Variants in STXBP4 observed in about 807,000 individuals in gnomAD.
The protein encoded by STXBP4 is syntaxin-binding protein 4.
Under a neutral mutation model 76.1 loss-of-function variants are expected in STXBP4, and 55 were observed. The ratio of observed to expected loss-of-function variants is 0.72; its 90% CI spans 0.58 to 0.91. The LOEUF is 0.91. Ranked by LOEUF, STXBP4 falls within the 40% of genes least tolerant of loss-of-function variation. The pLI is 0.00. For synonymous variants in STXBP4, 201 were observed against 220.2 expected, an observed-to-expected ratio of 0.91 and a Z score of 0.77; for missense variants, 618 against 636.9, an observed-to-expected ratio of 0.97 and a Z score of 0.32.
At chr17:55,007,785 C>G (rs994047448) in intron 8 of STXBP4, among the ~76,000 whole-genome samples, 188 bp downstream of exon 8, 1 of 152,042 alleles carries the variant, frequency 6.6e-6, no homozygotes, top group Non-Finnish European at 1.5e-5. Flanking sequence ...TGGTGGTTCA[C>G]TAGTACAAAA....
At chr17:55,068,070 A>T (rs745686553) in intron 12 of STXBP4, among the ~76,000 whole-genome samples, 1 of 152,122 alleles carries the variant, frequency 6.6e-6, no homozygotes, top group Non-Finnish European at 1.5e-5. Flanking sequence ...AAGGTATATT[A>T]TATATATTTT....
intron 1 of STXBP4, among the ~76,000 whole-genome samples, chr17:54,980,172 ACATATAAT>A (rs997484843): frequency 3.3e-5 from 5 of 152,194 alleles, no homozygotes; most frequent in African/African-American, 1.2e-4. Flanking sequence ...TTAAATGAAG[ACATATAAT>A]CATATAATCA....
In STXBP4 at chr17:55,167,912, T is replaced by C. The variant is rs2080384924; in HGVS notation, c.*8001T>C. ...TTGAGTAGATAATAAAGTTACCTTATAGGAATAGGTAATATAGACAGGTAA... is the reference window on the plus strand; with the variant it reads ...TTGAGTAGATAATAAAGTTACCTTACAGGAATAGGTAATATAGACAGGTAA... On this transcript the variant is annotated 3_prime_UTR_variant, in exon 18 of 18. Transcript: ENST00000376352. 1 of 152,144 alleles carries C rather than the reference T, an allele frequency of 6.6e-6. No homozygotes were observed. Among genetic ancestry groups the C allele is most frequent in the African/African-American group, 2.4e-5 (1 of 41,438 alleles). The allele number at this position is 152,144 out of a possible 1,614,324, so 9.4% of individuals were successfully genotyped here.
At chr17:55,021,359 A>G (rs2078305983) in intron 8 of STXBP4, among the ~76,000 whole-genome samples, 1 of 152,066 alleles carries the variant, frequency 6.6e-6, no homozygotes, top group African/African-American at 2.4e-5. Context: ...CCATATCTCA[A>G]AAATTTTTTT....
intron 16 of STXBP4, among the ~76,000 whole-genome samples, chr17:55,127,107 C>G (rs1326186908): frequency 1.3e-5 from 2 of 152,186 alleles, no homozygotes; most frequent in African/African-American, 4.8e-5. Context: ...ATATTTCCAT[C>G]ACCTCACAAC....
In STXBP4 at chr17:55,057,532, G is replaced by T. The variant is rs550641209; in HGVS notation, c.1011+10378G>T. On this transcript the variant is annotated intron_variant, in intron 12 of 17. Transcript: ENST00000376352. ...TGAAAATGTCAATACATTCAAATTT[G>T]GTTGTTGTTGTTGTTTCTAATTTTA... Among the ~76,000 whole-genome samples the T allele has an allele frequency of 2.9e-4, 44 of 152,146 alleles. 1 individual carries two copies. Among genetic ancestry groups the T allele is most frequent in the Middle Eastern group, 6.8e-3 (2 of 294 alleles).
intron 11 of STXBP4, 154 bp downstream of exon 11, chr17:55,043,479 G>A (rs2078737767): frequency 3.8e-6 from 3 of 799,322 alleles, no homozygotes; most frequent in Non-Finnish European, 5.7e-6. Context: ...TATTCAGTTG[G>A]CCTTTAGAGA....
At chr17:55,203,021 G>A in the STXBP4 span, among the ~76,000 whole-genome samples, 8 of 152,280 alleles carry the variant, frequency 5.3e-5, no homozygotes, top group East Asian at 1.4e-3. Context: ...AGAGCTGCTG[G>A]AAGTTGTATT....
chr17:55,112,598 G>A (rs916583331), intron 16 of STXBP4, among the ~76,000 whole-genome samples: 25 of 152,264 alleles, frequency 1.6e-4, no homozygotes, highest in African/African-American at 6.0e-4. Context: ...ACAGATCTGG[G>A]AGGTTAGGGT....
rs10451261 is a variant in STXBP4 at position 55,019,021 on chromosome 17, T to C, written c.666+11424T>C. 3.2e-3 allele frequency among the ~76,000 whole-genome samples: 480 copies of C among 152,348 alleles called. 12 individuals are homozygous for C. The highest frequency in any genetic ancestry group is 0.025 in the East Asian group (130 of 5,186). On this transcript the variant is annotated intron_variant, in intron 8 of 17. Coordinates refer to ENST00000376352, the MANE Select transcript of STXBP4 (RefSeq NM_178509.6). ...TCCTACAAAAATACTTGGCTCATAG[T>C]ATATGCTGAAAAAAATAATTGTTGG...
At chr17:54,975,476 C>G (rs2077460274) in intron 1 of STXBP4, among the ~76,000 whole-genome samples, 3 of 152,124 alleles carry the variant, frequency 2.0e-5, no homozygotes, top group Non-Finnish European at 4.4e-5. Context: ...GACAGACAGT[C>G]TCACATGATT....
chr17:55,047,034 C>A, intron 11 of STXBP4, 55 bp from the exon 12 acceptor site: 1 of 1,071,276 alleles, frequency 9.3e-7, no homozygotes, highest in Non-Finnish European at 1.4e-6. Flanking sequence ...ACTAAGAAGT[C>A]ACACTTGTTA....
chr17:55,196,830 A>C, the STXBP4 span, among the ~76,000 whole-genome samples: 1 of 152,258 alleles, frequency 6.6e-6, no homozygotes, highest in Non-Finnish European at 1.5e-5. Context: ...TTTGAGGTCT[A>C]AACCCACAGG....
chr17:55,077,686 CGTGTGTGTGTGTGTGTGTGTGTGTGT>C (rs10690646), intron 13 of STXBP4, among the ~76,000 whole-genome samples: 2 of 134,004 alleles, frequency 1.5e-5, no homozygotes, highest in Non-Finnish European at 3.2e-5. Context: ...TGTCTTACAT[CGTGTGTGTGTGTGTGTGTGTGTGTGT>C]GTGTGTGTGT....
At chr17:55,054,823 A>C (rs964479631) in intron 12 of STXBP4, among the ~76,000 whole-genome samples, 3 of 152,104 alleles carry the variant, frequency 2.0e-5, no homozygotes, top group Non-Finnish European at 4.4e-5. Context: ...AGAGGAGGAA[A>C]ATGTAATTTT....
intron 1 of STXBP4, among the ~76,000 whole-genome samples, chr17:54,969,910 G>A (rs2077364981): frequency 6.6e-6 from 1 of 152,200 alleles, no homozygotes. Context: ...GGGAATTTCA[G>A]ATAACAATCA....
At chr17:54,977,885 A>T (rs9894529) in intron 1 of STXBP4, among the ~76,000 whole-genome samples, 42,198 of 152,112 alleles carry the variant, frequency 0.28, 6,071 homozygotes, top group African/African-American at 0.34. Flanking sequence ...ATAAATAAAT[A>T]GTAGGCATTT....
chr17:55,035,170 T>C (rs751324977), intron 10 of STXBP4, among the ~76,000 whole-genome samples: 31 of 151,970 alleles, frequency 2.0e-4, no homozygotes, highest in Non-Finnish European at 4.0e-4. Flanking sequence ...CATTTGAATG[T>C]TTCTTACCTT....
At chr17:55,190,751 A>G in the STXBP4 span, among the ~76,000 whole-genome samples, 1 of 152,208 alleles carries the variant, frequency 6.6e-6, no homozygotes, top group Non-Finnish European at 1.5e-5. Flanking sequence ...CACTGTGTAT[A>G]TAAGTGAGAC....
Sources: allele counts gnomAD v4.1 joint callset (sites outside exome capture counted in the v4.1 genomes callset), GRCh38; gene constraint gnomAD v4.1.1; transcripts MANE v1.5; gene names NCBI Gene and HGNC (gene_info 2026-07-23, HGNC 2026-07-21).